Variants in THEMIS observed in about 807,000 individuals in gnomAD.
THEMIS encodes the protein protein THEMIS.
THEMIS carries 37 observed loss-of-function variants against 52.6 expected under a neutral mutation model. The ratio of observed to expected loss-of-function variants is 0.70; its 90% CI spans 0.54 to 0.93. The LOEUF (loss-of-function observed/expected upper bound fraction) is 0.93. THEMIS is among the 40% of genes least tolerant of loss of function. The pLI is 0.00. For synonymous variants in THEMIS, 292 were observed against 272.7 expected (o/e 1.07, Z -0.70); for missense variants, 808 against 763.1 (o/e 1.06, Z -0.69).
intron 1 of THEMIS, among the ~76,000 whole-genome samples, chr6:127,871,354 A>G (rs772479613): frequency 2.0e-5 from 3 of 152,112 alleles, no homozygotes; most frequent in Non-Finnish European, 4.4e-5. Context: ...TGAAAATACA[A>G]CATATCAAAG....
chr6:127,735,032 C>G (rs933071528), intron 4 of THEMIS, among the ~76,000 whole-genome samples: 2 of 148,662 alleles, frequency 1.3e-5, no homozygotes, highest in Admixed American at 1.4e-4. Flanking sequence ...CTTAAATAAT[C>G]TCTCCCTTCT....
chr6:127,726,871 C>G (rs188387124), intron 4 of THEMIS, among the ~76,000 whole-genome samples: 238 of 152,224 alleles, frequency 1.6e-3, no homozygotes, highest in Non-Finnish European at 2.7e-3. Flanking sequence ...TAGCCAAAGA[C>G]GAAATGAAGA....
chr6:127,719,620 C>T, intron 5 of THEMIS, 68 bp downstream of exon 5: 1 of 1,402,494 alleles, frequency 7.1e-7, no homozygotes, highest in Non-Finnish European at 9.7e-7. Context: ...AAGAATCTGT[C>T]CATTGCACCT....
chr6:127,795,387 G>A (rs1344386492), intron 4 of THEMIS, among the ~76,000 whole-genome samples: 1 of 152,156 alleles, frequency 6.6e-6, no homozygotes, highest in Non-Finnish European at 1.5e-5. Flanking sequence ...GGAGTGCAGT[G>A]GCACGATCTC....
intron 4 of THEMIS, among the ~76,000 whole-genome samples, chr6:127,778,381 T>C (rs1776633944): frequency 1.3e-5 from 2 of 152,134 alleles, no homozygotes; most frequent in Non-Finnish European, 2.9e-5. Context: ...TCCATTCTTT[T>C]ACTATCAACA....
chr6:127,725,305 G>A (rs1042383480), intron 4 of THEMIS, among the ~76,000 whole-genome samples: 1 of 151,948 alleles, frequency 6.6e-6, no homozygotes, highest in African/African-American at 2.4e-5. Context: ...TAAGAACAAT[G>A]ACAATAATTC....
intron 1 of THEMIS, among the ~76,000 whole-genome samples, chr6:127,889,127 T>G (rs1401459183): frequency 6.6e-6 from 1 of 152,102 alleles, no homozygotes; most frequent in African/African-American, 2.4e-5. Context: ...CATAGGCTAT[T>G]GAAGATTTCA....
chr6:127,710,012 T>A lies in THEMIS; in HGVS notation c.1899A>T (p.Thr633=), dbSNP rs1286224677. Residue 633 remains threonine, a synonymous_variant, in exon 6 of 6, where the codon ACA becomes ACT. Transcript: ENST00000368248. ...SNRGATAIAE[T]FKNEKHQK Reference sequence around the variant, plus strand: ...ATTTTTGATGTTTTTCATTTTTGAATGTTTCTATAAATAAAAAAAGAAGGG... The same window carrying A: ...ATTTTTGATGTTTTTCATTTTTGAAAGTTTCTATAAATAAAAAAAGAAGGG... The A allele has an allele frequency of 1.3e-6, 2 of 1,573,618 alleles. No individual in the cohort carries two copies. Among genetic ancestry groups the A allele is most frequent in the Admixed American group, 3.6e-5 (2 of 55,506 alleles).
intron 1 of THEMIS, among the ~76,000 whole-genome samples, chr6:127,910,825 A>T (rs1781393672): frequency 6.6e-6 from 1 of 152,118 alleles, no homozygotes; most frequent in Non-Finnish European, 1.5e-5. Flanking sequence ...CTAAAATTTT[A>T]TTAGATTTTG....
chr6:127,896,180 T>A (rs1190435929), intron 1 of THEMIS, among the ~76,000 whole-genome samples: 1 of 151,338 alleles, frequency 6.6e-6, no homozygotes, highest in African/African-American at 2.4e-5. Flanking sequence ...TCATGAATGG[T>A]GGATTACTGA....
At chr6:127,701,867 A>T in the THEMIS span, among the ~76,000 whole-genome samples, 1 of 151,950 alleles carries the variant, frequency 6.6e-6, no homozygotes, top group Non-Finnish European at 1.5e-5. Flanking sequence ...TAAGTTCTTT[A>T]CCCTTCCTTA....
At chr6:127,842,189 C>A (rs922529015) in intron 2 of THEMIS, among the ~76,000 whole-genome samples, 1 of 151,570 alleles carries the variant, frequency 6.6e-6, no homozygotes, top group African/African-American at 2.4e-5. Flanking sequence ...ATATTTTAAT[C>A]AAATAAAAAA....
At chr6:127,787,607 G>T (rs572324729) in intron 4 of THEMIS, among the ~76,000 whole-genome samples, 1 of 152,164 alleles carries the variant, frequency 6.6e-6, no homozygotes, top group Non-Finnish European at 1.5e-5. Context: ...ACTGGGATCT[G>T]TTTTTTGAAT....
chr6:127,801,868 C>T lies in THEMIS; in HGVS notation c.1758+11015G>A, dbSNP rs144808312. ...GTGTGACCCATGAGGAGATGCACTACACGGGAAAAGAACTGCTTGAGTTCT... is the reference window on the plus strand; with the variant it reads ...GTGTGACCCATGAGGAGATGCACTATACGGGAAAAGAACTGCTTGAGTTCT... On this transcript the variant is annotated intron_variant, in intron 4 of 5. Coordinates refer to ENST00000368248, the MANE Select transcript of THEMIS (RefSeq NM_001010923.3). Among the ~76,000 whole-genome samples the T allele has an allele frequency of 5.2e-3, 797 of 152,204 alleles. 8 individuals carry two copies. The highest frequency in any genetic ancestry group is 0.018 in the African/African-American group (761 of 41,522).
chr6:127,776,784 G>A (rs1776581341), intron 4 of THEMIS, among the ~76,000 whole-genome samples: 1 of 152,146 alleles, frequency 6.6e-6, no homozygotes, highest in Admixed American at 6.5e-5. Flanking sequence ...AACTGTAATT[G>A]TGAATTTCCC....
At chr6:127,755,428 C>T (rs1374340650) in intron 4 of THEMIS, among the ~76,000 whole-genome samples, 1 of 152,044 alleles carries the variant, frequency 6.6e-6, no homozygotes, top group African/African-American at 2.4e-5. Flanking sequence ...CATTTTGATC[C>T]AAAATATACA....
chr6:127,709,602 A>G lies in THEMIS; in HGVS notation c.*383T>C, dbSNP rs1773905356. ...ATGGCAAAACAAATTCTGGAAAAAA[A>G]AGAAAATATTTGGTGGCTTTTATCC... is the stretch of plus-strand genomic sequence containing the variant. On this transcript the variant is annotated 3_prime_UTR_variant, in exon 6 of 6. Transcript: ENST00000368248. 6.1e-6 allele frequency: 1 copy of G among 164,550 alleles called. No homozygotes were observed. Among genetic ancestry groups the G allele is most frequent in the Admixed American group, 6.4e-5 (1 of 15,564 alleles). 10.2% of individuals were successfully genotyped at this position (164,550 alleles called of 1,614,324 possible).
At chr6:127,733,111 G>A (rs1488421698) in intron 4 of THEMIS, among the ~76,000 whole-genome samples, 1 of 152,082 alleles carries the variant, frequency 6.6e-6, no homozygotes, top group Non-Finnish European at 1.5e-5. Context: ...ATGTTATATT[G>A]CTCATTGGAA....
chr6:127,860,532 A>G (rs1002711332), intron 1 of THEMIS, among the ~76,000 whole-genome samples: 1 of 152,148 alleles, frequency 6.6e-6, no homozygotes, highest in Non-Finnish European at 1.5e-5. Flanking sequence ...TTGGGGGTTT[A>G]AGTATTATCC....
Sources: allele counts gnomAD v4.1 joint callset (sites outside exome capture counted in the v4.1 genomes callset), GRCh38; gene constraint gnomAD v4.1.1; transcripts MANE v1.5; gene names NCBI Gene and HGNC (gene_info 2026-07-23, HGNC 2026-07-21).